ABTB3: variants seen among roughly 807,000 people sequenced by gnomAD.
ABTB3 encodes the protein ankyrin repeat- and BTB/POZ domain-containing protein 3.
chr12:107,449,049 G>A, the ABTB3 span, among the ~76,000 whole-genome samples: 1 of 152,234 alleles, frequency 6.6e-6, no homozygotes, highest in African/African-American at 2.4e-5. Flanking sequence ...GCTGGAGCCA[G>A]GTGCCTGGGG....
the ABTB3 span, chr12:107,635,280 T>C: frequency 6.2e-7 from 1 of 1,612,824 alleles, no homozygotes; most frequent in Non-Finnish European, 8.5e-7. Flanking sequence ...CTTTCTTTTC[T>C]GCAGAATGAA....
chr12:107,345,943 T>A, the ABTB3 span, among the ~76,000 whole-genome samples: 1 of 152,216 alleles, frequency 6.6e-6, no homozygotes, highest in African/African-American at 2.4e-5. Context: ...TCTCAATTAA[T>A]CTTCATAATG....
At chr12:107,538,194 A>G in the ABTB3 span, among the ~76,000 whole-genome samples, 3 of 152,214 alleles carry the variant, frequency 2.0e-5, no homozygotes, top group African/African-American at 7.2e-5. Flanking sequence ...CAGGGCATGA[A>G]GACCCCTGCC....
the ABTB3 span, among the ~76,000 whole-genome samples, chr12:107,622,025 G>T: frequency 6.6e-6 from 1 of 152,292 alleles, no homozygotes; most frequent in East Asian, 1.9e-4. Context: ...AGGATTGCTT[G>T]AGCCCAGGAG....
chr12:107,404,156 C>G, the ABTB3 span, among the ~76,000 whole-genome samples: 204 of 79,366 alleles, frequency 2.6e-3, no homozygotes, highest in African/African-American at 8.4e-3. Flanking sequence ...GAGAGAGACT[C>G]TAACTCAAAA....
chr12:107,620,256 T>G, the ABTB3 span: 1 of 1,486,494 alleles, frequency 6.7e-7, no homozygotes, highest in East Asian at 2.3e-5. Flanking sequence ...CTGTTCCCCT[T>G]TGAGTGGGAT....
chr12:107,413,213 G>T, the ABTB3 span, among the ~76,000 whole-genome samples: 1 of 152,184 alleles, frequency 6.6e-6, no homozygotes. Flanking sequence ...GGCGGAGCTT[G>T]CAGTGAGCCG....
chr12:107,451,898 TAC>T, the ABTB3 span, among the ~76,000 whole-genome samples: 1 of 152,244 alleles, frequency 6.6e-6, no homozygotes, highest in East Asian at 1.9e-4. Flanking sequence ...GTCTGTTATG[TAC>T]ACTCACACCT....
At chr12:107,596,368 C>T in the ABTB3 span, among the ~76,000 whole-genome samples, 1 of 152,174 alleles carries the variant, frequency 6.6e-6, no homozygotes, top group South Asian at 2.1e-4. Flanking sequence ...AATCCCAGCA[C>T]TTTGGAGGTC....
the ABTB3 span, among the ~76,000 whole-genome samples, chr12:107,340,135 A>G: frequency 3.9e-5 from 6 of 152,192 alleles, no homozygotes; most frequent in African/African-American, 1.2e-4. Flanking sequence ...CTTCACATTA[A>G]GCATGTTAGC....
the ABTB3 span, among the ~76,000 whole-genome samples, chr12:107,616,086 T>G: frequency 6.6e-6 from 1 of 152,168 alleles, no homozygotes; most frequent in Non-Finnish European, 1.5e-5. Flanking sequence ...CATGTCACAC[T>G]GAGAGCTGGC....
At chr12:107,592,538 A>C in the ABTB3 span, among the ~76,000 whole-genome samples, 4 of 152,250 alleles carry the variant, frequency 2.6e-5, no homozygotes, top group African/African-American at 9.6e-5. Context: ...CATTCGATGG[A>C]AAACCAAGTA....
chr12:107,346,532 T>A, the ABTB3 span, among the ~76,000 whole-genome samples: 2 of 152,162 alleles, frequency 1.3e-5, no homozygotes, highest in African/African-American at 4.8e-5. Flanking sequence ...TGATCTTGGC[T>A]TACTGCAACC....
the ABTB3 span, among the ~76,000 whole-genome samples, chr12:107,470,327 C>A: frequency 1.3e-5 from 2 of 152,110 alleles, no homozygotes; most frequent in Non-Finnish European, 2.9e-5. Context: ...CGTGAGCCAC[C>A]GTGCCTGGCT....
the ABTB3 span, among the ~76,000 whole-genome samples, chr12:107,586,944 A>G: frequency 6.6e-6 from 1 of 152,206 alleles, no homozygotes; most frequent in African/African-American, 2.4e-5. Flanking sequence ...GAGAATAAAC[A>G]AATGTATCAG....
chr12:107,394,798 TC>T, the ABTB3 span, among the ~76,000 whole-genome samples: 7 of 152,336 alleles, frequency 4.6e-5, no homozygotes, highest in Middle Eastern at 3.4e-3. Flanking sequence ...CTCCTCATCA[TC>T]ATTATGATCA....
the ABTB3 span, among the ~76,000 whole-genome samples, chr12:107,409,872 G>A: frequency 6.6e-6 from 1 of 152,040 alleles, no homozygotes; most frequent in South Asian, 2.1e-4. Context: ...ATTTTAAAAA[G>A]ACAGGAAGCA....
the ABTB3 span, among the ~76,000 whole-genome samples, chr12:107,495,044 G>A: frequency 6.6e-6 from 1 of 152,154 alleles, no homozygotes; most frequent in Non-Finnish European, 1.5e-5. Context: ...CAGCAACCAG[G>A]GGAAGGTAGG....
chr12:107,563,265 T>G, the ABTB3 span, among the ~76,000 whole-genome samples: 1 of 152,222 alleles, frequency 6.6e-6, no homozygotes, highest in Non-Finnish European at 1.5e-5. Context: ...GAATTTAAGC[T>G]AAGCAAATTC....
Sources: allele counts gnomAD v4.1 joint callset (sites outside exome capture counted in the v4.1 genomes callset), GRCh38; gene constraint gnomAD v4.1.1; transcripts MANE v1.5; gene names NCBI Gene and HGNC (gene_info 2026-07-23, HGNC 2026-07-21).